Variants in ANO6 observed in about 807,000 individuals in gnomAD.
ANO6 encodes anoctamin-6.
Under a neutral mutation model 117.5 loss-of-function variants are expected in ANO6, and 106 were observed. The observed-to-expected ratio is 0.90, with a 90% CI of 0.77 to 1.06. ANO6 has a LOEUF of 1.06. Ranked by LOEUF, ANO6 falls within the 50% of genes least tolerant of loss-of-function variation. ANO6 has a pLI of 0.00. For missense variants in ANO6, 955 were observed against 1,121.1 expected (o/e 0.85, Z 2.12); for synonymous variants, 367 against 385.1 (o/e 0.95, Z 0.55).
rs1434014648 is a variant in ANO6 at position 45,367,725 on chromosome 12, A to T, written c.1036A>T (p.Ile346Leu). 6.2e-7 allele frequency: 1 copy of T among 1,613,514 alleles called. No individual in the cohort carries two copies. Among genetic ancestry groups the T allele is most frequent in the Non-Finnish European group, 8.5e-7 (1 of 1,179,844 alleles). Residue 346 changes from isoleucine (I) to leucine (L), a missense_variant, in exon 9 of 20, where the codon ATA (isoleucine) becomes TTA (leucine). Ile to Leu is a conservative substitution (Grantham distance 5). Transcript: ENST00000320560. Reference protein sequence around the residue: ...VCHPDIGGKIIMCPQCDRLCP... With the variant: ...VCHPDIGGKILMCPQCDRLCP... ...TCATCCTGATATTGGTGGCAAGATC[A>T]TAATGTGTCCTCAGTGTGATAGGCT...
rs1943589750 is a variant in ANO6 at position 45,429,679 on chromosome 12, T to G, written c.*368T>G. On this transcript the variant is annotated 3_prime_UTR_variant, in exon 20 of 20. Coordinates refer to ENST00000320560, the MANE Select transcript of ANO6 (RefSeq NM_001025356.3). ...CTATTCTCAGGCGCATGATCTCCTT[T>G]ATTTTTAAGCCATGTTTCATTTCTT... 8.9e-7 allele frequency: 1 copy of G among 1,122,454 alleles called. No homozygotes were observed. Among genetic ancestry groups the G allele is most frequent in the Admixed American group, 4.8e-5 (1 of 20,698 alleles). 69.5% of individuals were successfully genotyped at this position (1,122,454 alleles called of 1,614,324 possible).
intron 1 of ANO6, among the ~76,000 whole-genome samples, chr12:45,247,062 A>G (rs1451316795): frequency 6.6e-6 from 1 of 152,030 alleles, no homozygotes; most frequent in Non-Finnish European, 1.5e-5. Flanking sequence ...AGTAGCTGGG[A>G]CTACAGACGT....
chr12:45,429,350 T>G lies in ANO6; in HGVS notation c.*39T>G. ...TGAGAAGCACTTTAAGGAATTTAGC[T>G]TTGTCAAAATATATTAGGAATCACT... On this transcript the variant is annotated 3_prime_UTR_variant, in exon 20 of 20. Coordinates refer to ENST00000320560, the MANE Select transcript of ANO6 (RefSeq NM_001025356.3). 6.2e-7 allele frequency: 1 copy of G among 1,600,668 alleles called. No individual in the cohort carries two copies. Among genetic ancestry groups the G allele is most frequent in the Non-Finnish European group, 8.5e-7 (1 of 1,173,706 alleles).
At position 45,271,918 on chromosome 12, in the gene ANO6, GA is replaced by G. The variant is rs554753257; in HGVS notation, c.71-30093del. Among the ~76,000 whole-genome samples, 166 of 152,300 alleles carry G rather than the reference GA, an allele frequency of 1.1e-3. 1 individual carries two copies. Among genetic ancestry groups the G allele is most frequent in the Non-Finnish European group, 1.3e-3 (88 of 68,030 alleles). On this transcript the variant is annotated intron_variant, in intron 1 of 19. Transcript: ENST00000320560. ...TAATTGAAATGTGAAGAACCTCTTT[GA>G]AATCCTAAGTCTTCATACTTTCATG...
At chr12:45,330,503 G>A (rs1247114244) in intron 2 of ANO6, among the ~76,000 whole-genome samples, 1 of 152,130 alleles carries the variant, frequency 6.6e-6, no homozygotes, top group Admixed American at 6.6e-5. Context: ...CAAGCTGTGT[G>A]AGAACACAAA....
At chr12:45,331,728 G>C (rs1043536312) in intron 3 of ANO6, among the ~76,000 whole-genome samples, 1 of 152,058 alleles carries the variant, frequency 6.6e-6, no homozygotes, top group Non-Finnish European at 1.5e-5. Flanking sequence ...TATTCAATTA[G>C]GTGGCATAGG....
chr12:45,392,364 G>A (rs1256549496), intron 12 of ANO6, among the ~76,000 whole-genome samples: 1 of 152,228 alleles, frequency 6.6e-6, no homozygotes, highest in Non-Finnish European at 1.5e-5. Flanking sequence ...AAACTGGGCA[G>A]AGCCCACCGC....
chr12:45,248,812 T>C (rs773205173), intron 1 of ANO6, among the ~76,000 whole-genome samples: 2 of 152,232 alleles, frequency 1.3e-5, no homozygotes, highest in Non-Finnish European at 2.9e-5. Context: ...CAAAGGGTTG[T>C]GCTACTAAAT....
chr12:45,430,181 T>A lies in ANO6; in HGVS notation c.*870T>A. On this transcript the variant is annotated 3_prime_UTR_variant, in exon 20 of 20. Transcript: ENST00000320560. ...TTGGAAAACAGTGATATCACATGAT[T>A]AAAATTACATTTTTATCAACATAAT... 1 of 985,422 alleles carries A rather than the reference T, an allele frequency of 1.0e-6. No homozygotes were observed. Among genetic ancestry groups the A allele is most frequent in the African/African-American group, 1.7e-5 (1 of 57,378 alleles). The allele number at this position is 985,422 out of a possible 1,614,324, so 61.0% of individuals were successfully genotyped here.
At chr12:45,371,275 G>A (rs1565726720) in intron 9 of ANO6, among the ~76,000 whole-genome samples, 1 of 152,238 alleles carries the variant, frequency 6.6e-6, no homozygotes, top group Non-Finnish European at 1.5e-5. Context: ...GCGGCAGCGA[G>A]GCTAGGGGAG....
At chr12:45,378,420 C>A (rs1593039005) in intron 10 of ANO6, among the ~76,000 whole-genome samples, 1 of 152,086 alleles carries the variant, frequency 6.6e-6, no homozygotes, top group Admixed American at 6.6e-5. Flanking sequence ...GGCAGCTCCA[C>A]TGGGGATAGA....
intron 1 of ANO6, among the ~76,000 whole-genome samples, chr12:45,279,987 C>T (rs1938670400): frequency 1.3e-5 from 2 of 152,120 alleles, no homozygotes; most frequent in Non-Finnish European, 2.9e-5. Context: ...TTTTTTTCCT[C>T]TGGGCTATTT....
intron 1 of ANO6, among the ~76,000 whole-genome samples, chr12:45,297,857 T>C (rs765146995): frequency 3.3e-5 from 5 of 152,204 alleles, no homozygotes; most frequent in Non-Finnish European, 7.4e-5. Flanking sequence ...CAATTGATAG[T>C]ATTCTTACAG....
intron 1 of ANO6, among the ~76,000 whole-genome samples, chr12:45,257,381 T>A (rs982849407): frequency 2.0e-5 from 3 of 152,196 alleles, no homozygotes; most frequent in African/African-American, 7.2e-5. Context: ...CCCAGTCTGA[T>A]GTGCCACAGA....
At chr12:45,221,585 G>A (rs752711791) in intron 1 of ANO6, among the ~76,000 whole-genome samples, 1 of 152,140 alleles carries the variant, frequency 6.6e-6, no homozygotes, top group Non-Finnish European at 1.5e-5. Flanking sequence ...TTTGCTTTTG[G>A]AAAGATCTCC....
downstream of ANO6, among the ~76,000 whole-genome samples, chr12:45,435,152 G>A (rs1023506979): frequency 7.2e-5 from 11 of 152,180 alleles, no homozygotes; most frequent in African/African-American, 2.7e-4. Flanking sequence ...TGTCTCCTCA[G>A]AGCTTTTTCC....
intron 10 of ANO6, among the ~76,000 whole-genome samples, chr12:45,385,914 G>A (rs1942286547): frequency 6.6e-6 from 1 of 152,184 alleles, no homozygotes; most frequent in Non-Finnish European, 1.5e-5. Context: ...ATTGGGGAGT[G>A]TTGGATTCTT....
chr12:45,250,795 C>T lies in ANO6; in HGVS notation c.70+34404C>T, dbSNP rs1468240787. 2.7e-5 allele frequency among the ~76,000 whole-genome samples: 4 copies of T among 150,444 alleles called. No individual in the cohort carries two copies. The East Asian group carries it at 5.9e-4, about 22-fold the overall frequency. ...AAAAAAAAAAAAAGAGACAGTGTCTCACTATGTTGTCCAGACTGGTGTCAA... is the reference window on the plus strand; with the variant it reads ...AAAAAAAAAAAAAGAGACAGTGTCTTACTATGTTGTCCAGACTGGTGTCAA... On this transcript the variant is annotated intron_variant, in intron 1 of 19. Transcript: ENST00000320560.
intron 2 of ANO6, among the ~76,000 whole-genome samples, chr12:45,312,574 A>C (rs1361758803): frequency 6.6e-6 from 1 of 152,046 alleles, no homozygotes; most frequent in Non-Finnish European, 1.5e-5. Flanking sequence ...CCATTAGTTA[A>C]CTGTAGTTTT....
Sources: gnomAD v4.1 joint callset for allele counts (sites outside exome capture counted in the v4.1 genomes callset) on GRCh38, gnomAD v4.1.1 for gene constraint, MANE v1.5 for transcripts, NCBI Gene and HGNC (gene_info 2026-07-23, HGNC 2026-07-21) for gene names.